SIPA1: variants seen among roughly 807,000 people sequenced by gnomAD.
SIPA1 encodes the protein signal-induced proliferation-associated protein 1.
SIPA1 carries 51 observed loss-of-function variants against 88.1 expected under a neutral mutation model. The ratio of observed to expected loss-of-function variants is 0.58; its 90% CI spans 0.46 to 0.73. The LOEUF is 0.73. SIPA1 is among the 30% of genes least tolerant of loss of function. SIPA1 has a pLI of 0.00. For missense variants in SIPA1, 1,348 were observed against 1,467.6 expected, an observed-to-expected ratio of 0.92 and a Z score of 1.33; for synonymous variants, 681 against 664.8, an observed-to-expected ratio of 1.02 and a Z score of -0.37.
intron 1 of SIPA1, chr11:65,638,389 CTGTG>C (rs1041337270): frequency 6.6e-6 from 1 of 151,014 alleles, no homozygotes; most frequent in Non-Finnish European, 1.5e-5. Flanking sequence ...CCTACTCTCT[CTGTG>C]TGACGGCTTA....
chr11:65,650,764 C>A lies in SIPA1; in HGVS notation c.*49C>A. On this transcript the variant is annotated 3_prime_UTR_variant, in exon 16 of 16. Coordinates refer to ENST00000534313, the MANE Select transcript of SIPA1 (RefSeq NM_006747.4). The stretch of plus-strand genomic sequence containing the variant: ...CTGAGGGCACTGTGGTCACACTGGG[C>A]CCTCCTCAGGAACTCTCCCTGCGCA... 1 of 1,489,726 alleles carries A rather than the reference C, an allele frequency of 6.7e-7. No individual in the cohort carries two copies. Among genetic ancestry groups the A allele is most frequent in the Non-Finnish European group, 9.0e-7 (1 of 1,116,916 alleles). The allele number at this position is 1,489,726 out of a possible 1,614,324, so 92.3% of individuals were successfully genotyped here. A position where few individuals can be genotyped will look rare whatever the true frequency, so the allele number is the denominator to read the frequency against.
Position 65,647,578 on chromosome 11 carries a change from G to T in SIPA1, c.2226G>T (p.Glu742Asp). The change falls in exon 9 of 16, where the codon GAG (glutamate) becomes GAT (aspartate). Residue 742 changes from glutamate to aspartate, a missense_variant. Glu to Asp is a conservative substitution (Grantham distance 45). Around this residue, in one of 4 missense-constraint regions of SIPA1, gnomAD observed 615 missense variants for 559.8 expected, o/e 1.10. Coordinates refer to ENST00000534313, the MANE Select transcript of SIPA1 (RefSeq NM_006747.4). ...AGACTCTGCCCAGCCTCCGGCCCGA[G>T]GCCGCTGCCCAGCTCCTGCGCTCGG... ...CGQTLPSLRP[E>D]AAAQLLRSAP... 7.4e-7 allele frequency: 1 copy of T among 1,349,308 alleles called. No individual in the cohort carries two copies. Among genetic ancestry groups the T allele is most frequent in the Non-Finnish European group, 9.5e-7 (1 of 1,052,946 alleles). The allele number at this position is 1,349,308 out of a possible 1,614,324, so 83.6% of individuals were successfully genotyped here. A position where few individuals can be genotyped will look rare whatever the true frequency, so the allele number is the denominator to read the frequency against.
Position 65,640,846 on chromosome 11 carries a change from C to A in SIPA1, c.-76C>A. The A allele has an allele frequency of 7.5e-7, 1 of 1,331,652 alleles. No homozygotes were observed. Among genetic ancestry groups the A allele is most frequent in the East Asian group, 2.7e-5 (1 of 37,622 alleles). The allele number at this position is 1,331,652 out of a possible 1,614,324, so 82.5% of individuals were successfully genotyped here. On this transcript the variant is annotated 5_prime_UTR_variant, in exon 2 of 16. Coordinates refer to ENST00000534313, the MANE Select transcript of SIPA1 (RefSeq NM_006747.4). ...CCTCCTTCAGGGCAGGAACTGCTGCCACAACCTCAGGCTGGGCACCAAACA... is the reference window on the plus strand; with the variant it reads ...CCTCCTTCAGGGCAGGAACTGCTGCAACAACCTCAGGCTGGGCACCAAACA...
In SIPA1 at chr11:65,645,946, A is replaced by G; in HGVS notation, c.1252A>G (p.Asn418Asp). The change falls in exon 6 of 16, where the codon AAC (asparagine) becomes GAC (aspartate). Residue 418 changes from asparagine to aspartate, a missense_variant. This residue lies in a region of SIPA1 where 641 missense variants were observed against 797.7 expected (regional missense o/e 0.80). Coordinates refer to ENST00000534313, the MANE Select transcript of SIPA1 (RefSeq NM_006747.4). ...CACGATGCTGCCTTACACCCCTAAT[A>G]ACCAGCAGCAGGTGTGAGGGGGACC... The part of the protein sequence containing the change: ...VSTMLPYTPN[N>D]QQQLLRKRHI... 6.2e-7 allele frequency: 1 copy of G among 1,610,972 alleles called. No individual in the cohort carries two copies. The highest frequency in any genetic ancestry group is 1.1e-5 in the South Asian group (1 of 90,798).
Position 65,642,641 on chromosome 11 carries a change from T to G in SIPA1, c.984+2T>G. 6.5e-7 allele frequency: 1 copy of G among 1,547,170 alleles called. No individual in the cohort carries two copies. Among genetic ancestry groups the G allele is most frequent in the Non-Finnish European group, 8.7e-7 (1 of 1,148,724 alleles). On this transcript the variant is annotated splice_donor_variant, in intron 4 of 15. Coordinates refer to ENST00000534313, the MANE Select transcript of SIPA1 (RefSeq NM_006747.4). LOFTEE classifies it high-confidence loss of function. The surrounding 1 kb of genome is among the most constrained non-coding windows in gnomAD (Gnocchi z 6.5). ...CTGCTCACACTGGATGAGCAAGTGG[T>G]GAGTGGCGGGCCGCGGAGCCCCCAG...
At position 65,642,958 on chromosome 11, in the gene SIPA1, C is replaced by G. The variant is rs907757062; in HGVS notation, c.984+319C>G. Among the ~76,000 whole-genome samples the G allele has an allele frequency of 6.6e-6, 1 of 150,828 alleles. No homozygotes were observed. The highest frequency in any genetic ancestry group is 2.5e-5 in the African/African-American group (1 of 40,368). On this transcript the variant is annotated intron_variant, in intron 4 of 15. Coordinates refer to ENST00000534313, the MANE Select transcript of SIPA1 (RefSeq NM_006747.4). This position sits in a 1 kb window ranked among gnomAD's most constrained non-coding sequence, Gnocchi z 6.5. ...TGAGATGGAGTCTCGCTCTGTCACC[C>G]AGGCTGGAGTGCAATGGTGGAATCT...
In SIPA1 at chr11:65,649,095, A is replaced by G. The variant is rs1371419804; in HGVS notation, c.2307-167A>G. 2.7e-5 allele frequency: 16 copies of G among 584,346 alleles called. No individual in the cohort carries two copies. The Admixed American group carries it at 4.8e-4, about 17-fold the overall frequency. 36.2% of individuals were successfully genotyped at this position (584,346 alleles called of 1,614,324 possible). A position where few individuals can be genotyped will look rare whatever the true frequency, so the allele number is the denominator to read the frequency against. ...CAGGGGCAGCACTGGAATTTGAACC[A>G]TGGTCTGGAAAAATGGCCAGTAACC... On this transcript the variant is annotated intron_variant, in intron 9 of 15. Transcript: ENST00000534313.
rs2135523165 is a variant in SIPA1 at position 65,646,727 on chromosome 11, C to T, written c.1693C>T (p.Arg565Trp). ...FGLPSLGGRR[R>W]AAPRGPGAEL... is the part of the protein sequence containing the mutation. ...CCTGCCCTCCCTGGGTGGGAGGCGCCGGGCGGCCCCTCGGGGCCCAGGCGC... is the reference window on the plus strand; with the variant it reads ...CCTGCCCTCCCTGGGTGGGAGGCGCTGGGCGGCCCCTCGGGGCCCAGGCGC... Residue 565 changes from arginine to tryptophan, a missense_variant, in exon 8 of 16, where the codon CGG (arginine) becomes TGG (tryptophan). Around this residue, in one of 4 missense-constraint regions of SIPA1, gnomAD observed 641 missense variants for 797.7 expected, o/e 0.80. Coordinates refer to ENST00000534313, the MANE Select transcript of SIPA1 (RefSeq NM_006747.4). The surrounding 1 kb of genome is among the most constrained non-coding windows in gnomAD (Gnocchi z 7.5). 2.0e-6 allele frequency: 3 copies of T among 1,531,602 alleles called. No individual in the cohort carries two copies. Among genetic ancestry groups the T allele is most frequent in the Non-Finnish European group, 2.6e-6 (3 of 1,142,130 alleles). The allele number at this position is 1,531,602 out of a possible 1,614,324, so 94.9% of individuals were successfully genotyped here. A position where few individuals can be genotyped will look rare whatever the true frequency, so the allele number is the denominator to read the frequency against.
chr11:65,641,314 G>T lies in SIPA1; in HGVS notation c.393G>T (p.Arg131Ser), dbSNP rs371049414. The T allele has an allele frequency of 6.8e-6, 11 of 1,613,462 alleles. No individual in the cohort carries two copies. The highest frequency in any genetic ancestry group is 8.5e-6 in the Non-Finnish European group (10 of 1,180,036). ...GCCTGCTCTTTGATTGGGCTCCGAG[G>T]TCTCAGGGGATGGGGAGCCACTCAG... is the stretch of plus-strand genomic sequence containing the variant. ...VQSLLFDWAP[R>S]SQGMGSHSEA... is the part of the protein sequence containing the mutation. The change falls in exon 2 of 16, where the codon AGG (arginine) becomes AGT (serine). Residue 131 changes from arginine to serine, a missense_variant. Transcript: ENST00000534313.
chr11:65,643,038 C>T (rs1856041085), intron 4 of SIPA1, among the ~76,000 whole-genome samples: 1 of 152,102 alleles, frequency 6.6e-6, no homozygotes, highest in Non-Finnish European at 1.5e-5. Flanking sequence ...GCCTCAGCCT[C>T]CTGAGTAGCT....
Position 65,647,085 on chromosome 11 carries a change from T to G in SIPA1, c.2031+20T>G. On this transcript the variant is annotated intron_variant, in intron 8 of 15. Transcript: ENST00000534313. ...CTGCAGGTGAGCTGGAGTGGTAAAC[T>G]GGGGCCCCTGCGCGCGGCGGGGCGG... is the stretch of plus-strand genomic sequence containing the variant. 1.3e-6 allele frequency: 2 copies of G among 1,500,078 alleles called. No individual in the cohort carries two copies. The highest frequency in any genetic ancestry group is 1.4e-5 in the African/African-American group (1 of 71,336). The allele number at this position is 1,500,078 out of a possible 1,614,324, so 92.9% of individuals were successfully genotyped here.
At chr11:65,645,725 G>A (rs1001329028) in intron 5 of SIPA1, 129 bp from the exon 6 acceptor site, 3 of 608,100 alleles carry the variant, frequency 4.9e-6, no homozygotes, top group Non-Finnish European at 8.7e-6. Flanking sequence ...GCATTGGCTG[G>A]TGGCATGACT....
In SIPA1 at chr11:65,644,984, G is replaced by A; in HGVS notation, c.1014G>A (p.Leu338=). ...GCTTCCAACGCAAGGTGGGCATCCT[G>A]TACTGCCGGGCGGGCCAGGGCTCGG... The part of the protein sequence containing the change: ...VLSFQRKVGI[L]YCRAGQGSEE... The change falls in exon 5 of 16, where the codon CTG becomes CTA. Residue 338 remains leucine, a synonymous_variant. Transcript: ENST00000534313. 1 of 1,613,884 alleles carries A rather than the reference G, an allele frequency of 6.2e-7. No individual in the cohort carries two copies. Among genetic ancestry groups the A allele is most frequent in the African/African-American group, 1.3e-5 (1 of 75,030 alleles).
At position 65,644,962 on chromosome 11, in the gene SIPA1, T is replaced by G; in HGVS notation, c.992T>G (p.Phe331Cys). ...LLTLDEQVLS[F>C]QRKVGILYCR... ...TCTGTCTCCCACCCACAGCTGAGCT[T>G]CCAACGCAAGGTGGGCATCCTGTAC... The change falls in exon 5 of 16, where the codon TTC (phenylalanine) becomes TGC (cysteine). Residue 331 changes from phenylalanine (F) to cysteine (C), a missense_variant. Phe to Cys is a radical substitution (Grantham distance 205). This residue lies in a region of SIPA1 where 641 missense variants were observed against 797.7 expected (regional missense o/e 0.80). Transcript: ENST00000534313. The G allele has an allele frequency of 1.2e-6, 2 of 1,612,656 alleles. No homozygotes were observed. Among genetic ancestry groups the G allele is most frequent in the Non-Finnish European group, 8.5e-7 (1 of 1,179,030 alleles).
chr11:65,647,676 G>A lies in SIPA1; in HGVS notation c.2306+18G>A, dbSNP rs1856159302. 1 of 1,330,956 alleles carries A rather than the reference G, an allele frequency of 7.5e-7. No individual in the cohort carries two copies. The highest frequency in any genetic ancestry group is 1.6e-5 in the African/African-American group (1 of 64,230). The allele number at this position is 1,330,956 out of a possible 1,614,324, so 82.4% of individuals were successfully genotyped here. ...CCCCGCAGGTCAGGGTGCCGGGGACGCGGGGAGGTGGGAGGGCCGGCAGTT... is the reference window on the plus strand; with the variant it reads ...CCCCGCAGGTCAGGGTGCCGGGGACACGGGGAGGTGGGAGGGCCGGCAGTT... On this transcript the variant is annotated intron_variant, in intron 9 of 15. Transcript: ENST00000534313.
Position 65,641,242 on chromosome 11 carries a change from C to T in SIPA1, c.321C>T (p.Phe107=), listed in dbSNP as rs766083644. 1.2e-6 allele frequency: 2 copies of T among 1,613,366 alleles called. No individual in the cohort carries two copies. Among genetic ancestry groups the T allele is most frequent in the East Asian group, 4.5e-5 (2 of 44,888 alleles). The change falls in exon 2 of 16, where the codon TTC becomes TTT. Residue 107 remains phenylalanine, a synonymous_variant. Transcript: ENST00000534313. ...GLPAEEPEPA[F]PPVLEPRWFA... ...CAGCAGAGGAACCAGAGCCTGCCTT[C>T]CCACCAGTGCTTGAGCCTCGATGGT...
In SIPA1 at chr11:65,650,177, C is replaced by T. The variant is rs768182092; in HGVS notation, c.2888C>T (p.Pro963Leu). The stretch of plus-strand genomic sequence containing the variant: ...GAGAGTGGAGACCCTAAGGGAACTC[C>T]AAAATCTGATGCTGAGTAAGCTCCC... ...IPESGDPKGT[P>L]KSDAEPEPGN... The change falls in exon 14 of 16, where the codon CCA (proline) becomes CTA (leucine). Residue 963 changes from proline to leucine, a missense_variant. By Grantham distance (98) the Pro-to-Leu change is moderately conservative. This residue lies in a region of SIPA1 where 615 missense variants were observed against 559.8 expected (regional missense o/e 1.10). Coordinates refer to ENST00000534313, the MANE Select transcript of SIPA1 (RefSeq NM_006747.4). 1.9e-6 allele frequency: 3 copies of T among 1,614,110 alleles called. No homozygotes were observed. The highest frequency in any genetic ancestry group is 2.5e-6 in the Non-Finnish European group (3 of 1,180,000).
At chr11:65,639,115 T>C (rs955727460) in intron 1 of SIPA1, 2 of 152,244 alleles carry the variant, frequency 1.3e-5, no homozygotes, top group Non-Finnish European at 2.9e-5. Flanking sequence ...CCAATTTTTT[T>C]CTTTGTTTTT....
rs1856222040 is a variant in SIPA1 at position 65,649,798 on chromosome 11, C to A, written c.2679C>A (p.Asn893Lys). ...CCAGTGGCTCTGAGGACAAGGGCAA[C>A]CCGGCGCCGGAGCTGAGGGCCTCCT... is the stretch of plus-strand genomic sequence containing the variant. ...GSPSGSEDKG[N>K]PAPELRASFL... The change falls in exon 12 of 16, where the codon AAC becomes AAA. Residue 893 changes from asparagine to lysine, a missense_variant. By Grantham distance (94) the Asn-to-Lys change is moderately conservative. Transcript: ENST00000534313. The A allele has an allele frequency of 6.2e-7, 1 of 1,614,084 alleles. No individual in the cohort carries two copies. The highest frequency in any genetic ancestry group is 1.1e-5 in the South Asian group (1 of 91,088).
Sources: gnomAD v4.1 joint callset for allele counts (sites outside exome capture counted in the v4.1 genomes callset) on GRCh38, gnomAD v4.1.1 for gene constraint, gnomAD v4.1.1 regional missense constraint, Gnocchi (gnomAD v3.1) non-coding constraint, MANE v1.5 for transcripts, NCBI Gene and HGNC (gene_info 2026-07-23, HGNC 2026-07-21) for gene names.